Variants in MLXIPL observed in about 807,000 individuals in gnomAD.
MLXIPL encodes carbohydrate-responsive element-binding protein.
In MLXIPL, 49 loss-of-function variants were observed where a neutral mutation model predicts 81.5. The observed-to-expected ratio is 0.60, with a 90% CI of 0.48 to 0.76. The LOEUF (loss-of-function observed/expected upper bound fraction) is 0.76, where lower values mean the gene tolerates loss of function less well. MLXIPL is among the 30% of genes least tolerant of loss of function. The pLI is 0.00. For synonymous variants in MLXIPL, 466 were observed against 485.5 expected, an observed-to-expected ratio of 0.96 and a Z score of 0.53; for missense variants, 1,053 against 1,167.0, an observed-to-expected ratio of 0.90 and a Z score of 1.42.
intron 1 of MLXIPL, among the ~76,000 whole-genome samples, chr7:73,619,460 C>CAAA (rs1463451518): frequency 2.3e-5 from 2 of 87,544 alleles, no homozygotes; most frequent in East Asian, 3.4e-4. Context: ...GACTCCATCT[C>CAAA]AAAAAAAAAA....
At chr7:73,622,383 G>GGCGCT (rs1796439401) in intron 1 of MLXIPL, among the ~76,000 whole-genome samples, 1 of 151,974 alleles carries the variant, frequency 6.6e-6, no homozygotes, top group Non-Finnish European at 1.5e-5. Flanking sequence ...CAGCTACTCA[G>GGCGCT]GAGGCTGAGG....
At chr7:73,621,603 C>A (rs1796349602) in intron 1 of MLXIPL, among the ~76,000 whole-genome samples, 2 of 151,972 alleles carry the variant, frequency 1.3e-5, no homozygotes, top group African/African-American at 4.8e-5. Context: ...CCAGTTCAAG[C>A]CTCAGGGCTT....
the MLXIPL span, among the ~76,000 whole-genome samples, chr7:73,635,069 G>A: frequency 1.4e-5 from 2 of 147,994 alleles, no homozygotes; most frequent in African/African-American, 5.0e-5. Flanking sequence ...CAAGTGATCT[G>A]CCCACCTCGG....
chr7:73,624,296 C>G lies in MLXIPL; in HGVS notation c.197G>C (p.Arg66Pro). The change falls in exon 1 of 17, where the codon CGC becomes CCC. Residue 66 changes from arginine to proline, a missense_variant. This residue lies in a region of MLXIPL where 226 missense variants were observed against 216.2 expected (regional missense o/e 1.05). Transcript: ENST00000313375. ...SPHSDSLPRR[R>P]DQEGSVGPSD... ...GGGCCCCACGGACCCCTCCTGGTCG[C>G]GCCGCCGGGGCAGCGAGTCGCTGTG... 2 of 1,586,252 alleles carry G rather than the reference C, an allele frequency of 1.3e-6. No individual in the cohort carries two copies. The highest frequency in any genetic ancestry group is 1.7e-6 in the Non-Finnish European group (2 of 1,168,100).
chr7:73,647,333 C>T, the MLXIPL span, among the ~76,000 whole-genome samples: 2 of 152,174 alleles, frequency 1.3e-5, no homozygotes, highest in Non-Finnish European at 2.9e-5. Flanking sequence ...CCAGGGCCCA[C>T]CTGGACAGGG....
the MLXIPL span, among the ~76,000 whole-genome samples, chr7:73,637,969 G>T: frequency 2.0e-5 from 3 of 152,244 alleles, no homozygotes; most frequent in East Asian, 5.8e-4. Flanking sequence ...CCACTGCCAG[G>T]CTCAGCCTGT....
intron 1 of MLXIPL, among the ~76,000 whole-genome samples, chr7:73,621,575 G>C (rs1554602090): frequency 6.6e-6 from 1 of 151,924 alleles, no homozygotes; most frequent in East Asian, 1.9e-4. Flanking sequence ...GGGGGTCTTT[G>C]AGGATGAAAA....
Position 73,623,215 on chromosome 7 carries a change from CCGATCTGTAGCCAG to C in MLXIPL, c.293+971_293+984del, listed in dbSNP as rs1384623676. On this transcript the variant is annotated intron_variant, in intron 1 of 16. Transcript: ENST00000313375. The surrounding 1 kb of genome is among the most constrained non-coding windows in gnomAD (Gnocchi z 5.7). ...CTGCTCCCCCGCAGGGCGGCAGGTG[CCGATCTGTAGCCAG>C]CGGTTCTCAGAAGGGGAGGAGGCGC... is the stretch of plus-strand genomic sequence containing the variant. 6.6e-6 allele frequency among the ~76,000 whole-genome samples: 1 copy of C among 152,200 alleles called. No homozygotes were observed. The highest frequency in any genetic ancestry group is 6.5e-5 in the Admixed American group (1 of 15,276).
rs782214829 is a variant in MLXIPL, at chr7:73,599,737, G to A, written c.902-42C>T. ...CAGGGCAACAGCAGTTAGGGCCAGG[G>A]CTATGGCTGGGAAACAGCTGAGAGG... is the stretch of plus-strand genomic sequence containing the variant. On this transcript the variant is annotated intron_variant, in intron 7 of 16. Coordinates refer to ENST00000313375, the MANE Select transcript of MLXIPL (RefSeq NM_032951.3). The A allele has an allele frequency of 1.9e-6, 3 of 1,568,646 alleles. No individual in the cohort carries two copies. The South Asian group carries it at 3.6e-5, about 19-fold the overall frequency.
chr7:73,603,173 T>C (rs1185955889), intron 7 of MLXIPL, among the ~76,000 whole-genome samples: 1 of 152,026 alleles, frequency 6.6e-6, no homozygotes, highest in Non-Finnish European at 1.5e-5. Context: ...TGGGAGGCTC[T>C]TGGGGGCAAC....
intron 8 of MLXIPL, among the ~76,000 whole-genome samples, chr7:73,598,464 T>TCCACCAGCCCACCCATCCAC (rs1445193658): frequency 3.3e-5 from 5 of 151,918 alleles, no homozygotes; most frequent in Admixed American, 3.3e-4. Context: ...TATGTATCCA[T>TCCACCAGCCCACCCATCCAC]CCACCAGCCC....
the MLXIPL span, among the ~76,000 whole-genome samples, chr7:73,630,549 T>C: frequency 6.6e-6 from 1 of 152,200 alleles, no homozygotes; most frequent in Admixed American, 6.5e-5. Context: ...TGCCTTGGTC[T>C]CCCAAAGTGC....
chr7:73,593,320 G>C lies in MLXIPL; in HGVS notation c.*545C>G, dbSNP rs1794000069. 2 of 205,478 alleles carry C rather than the reference G, an allele frequency of 9.7e-6. No homozygotes were observed. The highest frequency in any genetic ancestry group is 4.6e-5 in the African/African-American group (2 of 43,136). The allele number at this position is 205,478 out of a possible 1,614,324, so 12.7% of individuals were successfully genotyped here. A position where few individuals can be genotyped will look rare whatever the true frequency, so the allele number is the denominator to read the frequency against. On this transcript the variant is annotated 3_prime_UTR_variant, in exon 17 of 17. Coordinates refer to ENST00000313375, the MANE Select transcript of MLXIPL (RefSeq NM_032951.3). ...GTCACTCTGGCCCTGGTGTCTCCTG[G>C]GATCAGGCCCTCCTGGCCTCTCCCA...
the MLXIPL span, among the ~76,000 whole-genome samples, chr7:73,644,200 G>A: frequency 6.6e-6 from 1 of 151,606 alleles, no homozygotes; most frequent in Middle Eastern, 3.2e-3. Flanking sequence ...ACCTGGCTGA[G>A]GACTGGTTTT....
In MLXIPL at chr7:73,596,781, T is replaced by G; in HGVS notation, c.1680A>C (p.Thr560=). 1.9e-6 allele frequency: 3 copies of G among 1,605,886 alleles called. No individual in the cohort carries two copies. Among genetic ancestry groups the G allele is most frequent in the East Asian group, 2.2e-5 (1 of 44,636 alleles). The change falls in exon 11 of 17, where the codon ACA becomes ACC. Residue 560 remains threonine, a synonymous_variant. Transcript: ENST00000313375. This position sits in a 1 kb window ranked among gnomAD's most constrained non-coding sequence, Gnocchi z 4.7. ...LLRSPGSPQE[T]VPEFPCTFLP... ...GGAATGTGCAGGGGAATTCAGGGAC[T>G]GTCTCCTGCTGGGGTGGAGAAGGGC...
chr7:73,596,464 AGCC>A lies in MLXIPL; in HGVS notation c.1835_1837del (p.Arg612del). ...TGGCATGGAGCTGAGGTCCCCTGAC[AGCC>A]GCCGTTCACTGCCTGTGGTAGGGAC... On this transcript the variant is annotated inframe_deletion, in exon 12 of 17. Coordinates refer to ENST00000313375, the MANE Select transcript of MLXIPL (RefSeq NM_032951.3). The surrounding 1 kb of genome is among the most constrained non-coding windows in gnomAD (Gnocchi z 4.7). 6.2e-7 allele frequency: 1 copy of A among 1,612,786 alleles called. No homozygotes were observed. Among genetic ancestry groups the A allele is most frequent in the Non-Finnish European group, 8.5e-7 (1 of 1,179,968 alleles).
chr7:73,631,218 G>C, the MLXIPL span, among the ~76,000 whole-genome samples: 2 of 151,936 alleles, frequency 1.3e-5, no homozygotes, highest in Admixed American at 1.3e-4. Context: ...CACTGTGTTA[G>C]CCAGGATGGT....
the MLXIPL span, among the ~76,000 whole-genome samples, chr7:73,637,111 A>T: frequency 6.6e-6 from 1 of 151,510 alleles, no homozygotes; most frequent in Admixed American, 6.6e-5. Flanking sequence ...TATTTCCTTC[A>T]CTTCAATTTT....
intron 2 of MLXIPL, among the ~76,000 whole-genome samples, chr7:73,614,192 G>C (rs1197180881): frequency 2.0e-5 from 3 of 152,056 alleles, no homozygotes; most frequent in Admixed American, 6.6e-5. Context: ...ACTCCAGCAT[G>C]GGCAACATGA....
Sources: allele counts gnomAD v4.1 joint callset (sites outside exome capture counted in the v4.1 genomes callset), GRCh38; gene constraint gnomAD v4.1.1; regional missense constraint gnomAD v4.1.1; non-coding constraint Gnocchi (gnomAD v3.1); transcripts MANE v1.5; gene names NCBI Gene and HGNC (gene_info 2026-07-23, HGNC 2026-07-21).